The following RAB10 variants were observed in gnomAD, a reference collection of about 807,000 sequenced individuals.
RAB10 encodes the protein ras-related protein Rab-10.
RAB10 carries 5 observed loss-of-function variants against 25.7 expected under a neutral mutation model. The ratio of observed to expected loss-of-function variants is 0.19; its 90% confidence interval spans 0.10 to 0.41. RAB10 has a LOEUF of 0.41. Ranked by LOEUF, RAB10 falls within the 10% of genes least tolerant of loss-of-function variation. RAB10 has a pLI of 1.00. For synonymous variants in RAB10, 89 were observed against 86.4 expected (o/e 1.03, Z -0.16); for missense variants, 103 against 245.8 (o/e 0.42, Z 3.89).
At position 26,058,065 on chromosome 2, in the gene RAB10, G is replaced by T. The variant is rs141823015; in HGVS notation, c.127+23330G>T. 2.1e-3 allele frequency among the ~76,000 whole-genome samples: 321 copies of T among 152,312 alleles called. 1 individual carries two copies. The highest frequency in any genetic ancestry group is 7.6e-3 in the African/African-American group (314 of 41,580). ...GACCATAGTAGATACTCAGATATTT[G>T]TTAAGAAGACTAAAAATCTTGGAGG... On this transcript the variant is annotated intron_variant, in intron 1 of 5. Coordinates refer to ENST00000264710, the MANE Select transcript of RAB10 (RefSeq NM_016131.5).
chr2:26,056,837 A>G (rs1225996764), intron 1 of RAB10, among the ~76,000 whole-genome samples: 2 of 151,804 alleles, frequency 1.3e-5, no homozygotes, highest in Admixed American at 6.6e-5. Context: ...AGTGTTGCCC[A>G]AGTTGGTCTC....
intron 5 of RAB10, among the ~76,000 whole-genome samples, chr2:26,132,888 AGAGT>A (rs1035814372): frequency 2.6e-5 from 4 of 151,744 alleles, no homozygotes; most frequent in Non-Finnish European, 4.4e-5. Context: ...TCCCAGAGAG[AGAGT>A]ATTTTCAGTG....
intron 1 of RAB10, among the ~76,000 whole-genome samples, chr2:26,064,663 A>G (rs1311848491): frequency 6.6e-6 from 1 of 152,218 alleles, no homozygotes; most frequent in African/African-American, 2.4e-5. Context: ...TAGTTTTTAA[A>G]TAAGTAAAAA....
At chr2:26,074,898 C>T (rs376272342) in intron 1 of RAB10, among the ~76,000 whole-genome samples, 2 of 152,142 alleles carry the variant, frequency 1.3e-5, no homozygotes, top group Non-Finnish European at 2.9e-5. Context: ...CGAGTAAATG[C>T]TTGTAAAATG....
intron 1 of RAB10, among the ~76,000 whole-genome samples, chr2:26,058,670 A>G (rs935075560): frequency 1.3e-5 from 2 of 151,876 alleles, no homozygotes; most frequent in Non-Finnish European, 2.9e-5. Flanking sequence ...TGCCAAGCAC[A>G]CTCCTGCCTC....
At position 26,092,860 on chromosome 2, in the gene RAB10, A is replaced by C. The variant is rs143288494; in HGVS notation, c.128-5802A>C. 4.1e-3 allele frequency among the ~76,000 whole-genome samples: 632 copies of C among 152,302 alleles called. 2 individuals carry two copies. Among genetic ancestry groups the C allele is most frequent in the Non-Finnish European group, 6.7e-3 (453 of 68,026 alleles). The stretch of plus-strand genomic sequence containing the variant: ...TGATTTTCTGAGAAATTCTTAAAGA[A>C]AAACAATATGGACTGTAGAAGTAGG... On this transcript the variant is annotated intron_variant, in intron 1 of 5. Coordinates refer to ENST00000264710, the MANE Select transcript of RAB10 (RefSeq NM_016131.5).
intron 1 of RAB10, chr2:26,098,444 C>T: frequency 2.1e-6 from 1 of 475,280 alleles, no homozygotes; most frequent in Non-Finnish European, 3.7e-6. Context: ...CAGCCCAAAA[C>T]TTGGTCTTTT....
intron 3 of RAB10, among the ~76,000 whole-genome samples, chr2:26,115,643 A>G: frequency 6.6e-6 from 1 of 152,214 alleles, no homozygotes; most frequent in Non-Finnish European, 1.5e-5. Flanking sequence ...TAAAAATATT[A>G]TAAAGTTAGT....
intron 1 of RAB10, among the ~76,000 whole-genome samples, chr2:26,043,989 G>C (rs1230814166): frequency 6.6e-6 from 1 of 152,184 alleles, no homozygotes; most frequent in African/African-American, 2.4e-5. Context: ...AGGGGCTGGG[G>C]AAGAGGGAAA....
chr2:26,033,979 T>G, upstream of RAB10: 1 of 397,698 alleles, frequency 2.5e-6, no homozygotes. Flanking sequence ...ACAGGAGCAT[T>G]CCACTCGCCA....
At chr2:26,117,946 CAGATTATT>C (rs1448915214) in intron 3 of RAB10, among the ~76,000 whole-genome samples, 4 of 152,156 alleles carry the variant, frequency 2.6e-5, no homozygotes, top group Non-Finnish European at 5.9e-5. Flanking sequence ...ACCCAAGTCT[CAGATTATT>C]TCTCTAATAG....
chr2:26,127,202 A>G lies in RAB10; in HGVS notation c.386A>G (p.Lys129Arg), dbSNP rs766636640. The change falls in exon 4 of 6, where the codon AAA (lysine) becomes AGA (arginine). Residue 129 changes from lysine (K) to arginine (R), a missense_variant. Lys to Arg is a conservative substitution (Grantham distance 26). Coordinates refer to ENST00000264710, the MANE Select transcript of RAB10 (RefSeq NM_016131.5). Reference protein sequence around the residue: ...LLGNKCDMDDKRVVPKGKGEQ... With the variant: ...LLGNKCDMDDRRVVPKGKGEQ... Reference sequence around the variant, plus strand: ...GGAAACAAGTGTGATATGGACGACAAAAGAGTTGTACCTAAAGGAAAAGGA... The same window carrying G: ...GGAAACAAGTGTGATATGGACGACAGAAGAGTTGTACCTAAAGGAAAAGGA... 2 of 1,603,458 alleles carry G rather than the reference A, an allele frequency of 1.2e-6. No homozygotes were observed. Among genetic ancestry groups the G allele is most frequent in the Admixed American group, 1.8e-5 (1 of 56,882 alleles).
chr2:26,096,953 G>C (rs1369075077), intron 1 of RAB10, among the ~76,000 whole-genome samples: 1 of 152,148 alleles, frequency 6.6e-6, no homozygotes, highest in East Asian at 1.9e-4. Flanking sequence ...TGGGTGCGGT[G>C]GCTCACGCCT....
In RAB10 at chr2:26,124,595, TGTG is replaced by T. The variant is rs1306390810; in HGVS notation, c.328-2545_328-2543del. On this transcript the variant is annotated intron_variant, in intron 3 of 5. Coordinates refer to ENST00000264710, the MANE Select transcript of RAB10 (RefSeq NM_016131.5). The stretch of plus-strand genomic sequence containing the variant: ...GTTGTTTTTGAATACTTTTTAAAAT[TGTG>T]GTGAAATACATACAACATGAAATTT... Among the ~76,000 whole-genome samples the T allele has an allele frequency of 2.6e-5, 4 of 151,982 alleles. No homozygotes were observed. The East Asian group carries it at 5.8e-4, about 22-fold the overall frequency.
chr2:26,084,012 G>A (rs1311928559), intron 1 of RAB10, among the ~76,000 whole-genome samples: 4 of 152,154 alleles, frequency 2.6e-5, no homozygotes, highest in East Asian at 3.8e-4. Flanking sequence ...GAGCTATACC[G>A]TATTCATGGA....
At chr2:26,129,336 G>A (rs1321644996) in intron 5 of RAB10, among the ~76,000 whole-genome samples, 2 of 150,842 alleles carry the variant, frequency 1.3e-5, no homozygotes, top group East Asian at 3.9e-4. Context: ...ATGTTGTATA[G>A]GAGAAAATGT....
upstream of RAB10, among the ~76,000 whole-genome samples, chr2:26,033,796 G>A (rs904796240): frequency 4.0e-5 from 6 of 151,698 alleles, no homozygotes; most frequent in Non-Finnish European, 8.9e-5. Flanking sequence ...GCGGGAGGCG[G>A]GGGTCGGAGG....
chr2:26,095,293 G>A (rs1260934299), intron 1 of RAB10, among the ~76,000 whole-genome samples: 1 of 152,038 alleles, frequency 6.6e-6, no homozygotes, highest in African/African-American at 2.4e-5. Context: ...CTTTCATCGT[G>A]TTCTCAGTAT....
chr2:26,110,393 T>G (rs1667545520), intron 3 of RAB10, among the ~76,000 whole-genome samples: 1 of 152,076 alleles, frequency 6.6e-6, no homozygotes, highest in Non-Finnish European at 1.5e-5. Context: ...TCTTAAGTTT[T>G]TGGACAGTCT....
Sources: gnomAD v4.1 joint callset for allele counts (sites outside exome capture counted in the v4.1 genomes callset) on GRCh38, gnomAD v4.1.1 for gene constraint, MANE v1.5 for transcripts, NCBI Gene and HGNC (gene_info 2026-07-23, HGNC 2026-07-21) for gene names.